Variants in EHMT2 observed in about 807,000 individuals in gnomAD.
The protein encoded by EHMT2 is euchromatic histone lysine methyltransferase 2.
In EHMT2, 59 loss-of-function variants were observed where a neutral mutation model predicts 143.3. That is an observed-to-expected ratio of 0.41 (90% CI 0.33 to 0.51). The LOEUF (loss-of-function observed/expected upper bound fraction) is 0.51, where lower values mean the gene tolerates loss of function less well. Among genes scored for constraint, EHMT2 ranks in the 20% least tolerant of loss-of-function variants. The pLI, the probability that EHMT2 is intolerant of heterozygous loss-of-function variation, is 0.18. For missense variants in EHMT2, 1,174 were observed against 1,645.9 expected, an observed-to-expected ratio of 0.71 and a Z score of 4.96; for synonymous variants, 604 against 651.5, an observed-to-expected ratio of 0.93 and a Z score of 1.11.
At chr6:31,896,454 T>C in exon 4 of EHMT2, 1 of 1,613,030 alleles carries the variant, frequency 6.2e-7, no homozygotes, top group Non-Finnish European at 8.5e-7. Context: ...ATTGACATCT[T>C]GGCCCGGCTA....
intron 1 of EHMT2, 53 bp from the exon 2 acceptor site, chr6:31,897,042 G>T: frequency 1.3e-6 from 2 of 1,518,736 alleles, no homozygotes; most frequent in Non-Finnish European, 1.8e-6. Flanking sequence ...AGAGAGTTGG[G>T]GGGTCCAGGA....
chr6:31,895,898 G>A (rs1372367843), intron 4 of EHMT2: 1 of 210,586 alleles, frequency 4.7e-6, no homozygotes, highest in Non-Finnish European at 9.4e-6. Context: ...CTTTCCCACT[G>A]GGATTCCCAG....
At chr6:31,882,778 G>A in exon 25 of EHMT2, 5 of 1,612,482 alleles carry the variant, frequency 3.1e-6, no homozygotes, top group Non-Finnish European at 4.2e-6. Flanking sequence ...TAGAGCTGTA[G>A]CCGCACCCTG....
In EHMT2 at chr6:31,880,057, G is replaced by T. The variant is rs1763894907; in HGVS notation, c.*27C>A. 1 of 1,603,008 alleles carries T rather than the reference G, an allele frequency of 6.2e-7. No individual in the cohort carries two copies. Among genetic ancestry groups the T allele is most frequent in the Non-Finnish European group, 8.5e-7 (1 of 1,173,628 alleles). ...AGGCGGCTGAGCTGTGGCCATCCAT[G>T]CTGGGGAGAGAGGGTGTGGTCCGTT... is the stretch of plus-strand genomic sequence containing the variant. On this transcript the variant is annotated 3_prime_UTR_variant, in exon 28 of 28. Coordinates refer to ENST00000375537, the Ensembl canonical transcript of EHMT2. The surrounding 1 kb of genome is among the most constrained non-coding windows in gnomAD (Gnocchi z 6.6).
chr6:31,883,121 C>T lies in EHMT2; in HGVS notation c.2995-112G>A, dbSNP rs989930683. The T allele has an allele frequency of 3.5e-5, 36 of 1,034,060 alleles. No homozygotes were observed. In the Admixed American group the frequency reaches 7.1e-4, roughly 20 times the overall value. The allele number at this position is 1,034,060 out of a possible 1,614,324, so 64.1% of individuals were successfully genotyped here. A position where few individuals can be genotyped will look rare whatever the true frequency, so the allele number is the denominator to read the frequency against. ...GGAAGTTGGGGTTGGGGAGGTCACA[C>T]AGGCTCTGAGATCCGAGAGCACGAA... On this transcript the variant is annotated intron_variant, in intron 23 of 27. Coordinates refer to ENST00000375537, the Ensembl canonical transcript of EHMT2. The surrounding 1 kb of genome is among the most constrained non-coding windows in gnomAD (Gnocchi z 5.6).
At chr6:31,886,447 GGAA>G (rs1393927108) in intron 18 of EHMT2, 131 bp downstream of exon 18, 15 of 671,474 alleles carry the variant, frequency 2.2e-5, no homozygotes, top group Non-Finnish European at 5.1e-6. Context: ...ATACAAATGA[GGAA>G]GAAGAAAGCA....
At chr6:31,894,002 TCTCA>T (rs1766034919) in intron 4 of EHMT2, among the ~76,000 whole-genome samples, 1 of 152,102 alleles carries the variant, frequency 6.6e-6, no homozygotes, top group Admixed American at 6.5e-5. Context: ...TTAGATGGAG[TCTCA>T]CTCTGTTGCC....
chr6:31,884,025 G>A lies in EHMT2; in HGVS notation c.2772-75C>T. 6.5e-7 allele frequency: 1 copy of A among 1,537,178 alleles called. No homozygotes were observed. Among genetic ancestry groups the A allele is most frequent in the East Asian group, 2.3e-5 (1 of 43,096 alleles). On this transcript the variant is annotated intron_variant, in intron 21 of 27. Transcript: ENST00000375537. The surrounding 1 kb of genome is among the most constrained non-coding windows in gnomAD (Gnocchi z 7.3). ...AGCTACTCCAGGTATAAGGAAGAGAGTTGGGGAGGTTCCTGGGGCTGGGGG... is the reference window on the plus strand; with the variant it reads ...AGCTACTCCAGGTATAAGGAAGAGAATTGGGGAGGTTCCTGGGGCTGGGGG...
intron 4 of EHMT2, among the ~76,000 whole-genome samples, chr6:31,894,973 A>T (rs1275541480): frequency 1.3e-5 from 2 of 152,208 alleles, no homozygotes; most frequent in African/African-American, 2.4e-5. Context: ...CTATTATGTT[A>T]TTATTGTTGT....
chr6:31,882,980 C>T, exon 24 of EHMT2: 5 of 1,612,928 alleles, frequency 3.1e-6, no homozygotes, highest in South Asian at 1.1e-5. Context: ...GAGGCTCAAT[C>T]TTGTTAAATT....
At position 31,888,307 on chromosome 6, in the gene EHMT2, A is replaced by C; in HGVS notation, c.1510-31T>G. 1 of 1,612,088 alleles carries C rather than the reference A, an allele frequency of 6.2e-7. No homozygotes were observed. The highest frequency in any genetic ancestry group is 8.5e-7 in the Non-Finnish European group (1 of 1,179,446). ...AGCAGGGAAACGACATGGTCAGGTT[A>C]CTGGGGCCCCCTCTGCCACAGGGCA... On this transcript the variant is annotated intron_variant, in intron 12 of 27. Transcript: ENST00000375537. The surrounding 1 kb of genome is among the most constrained non-coding windows in gnomAD (Gnocchi z 7.4).
At chr6:31,887,578 C>A in exon 15 of EHMT2, 2 of 1,613,002 alleles carry the variant, frequency 1.2e-6, no homozygotes, top group Non-Finnish European at 1.7e-6. Flanking sequence ...GGCACTCACA[C>A]AGCATCAGGA....
Position 31,883,248 on chromosome 6 carries a change from A to T in EHMT2, c.2994+114T>A, listed in dbSNP as rs1163273998. On this transcript the variant is annotated intron_variant, in intron 23 of 27. Transcript: ENST00000375537. The surrounding 1 kb of genome is among the most constrained non-coding windows in gnomAD (Gnocchi z 5.6). Reference sequence around the variant, plus strand: ...CAGGCCTTGCCCAGTCCTCTCAGTCACTTCCCCCACAGGGTAGGAGGTGAG... The same window carrying T: ...CAGGCCTTGCCCAGTCCTCTCAGTCTCTTCCCCCACAGGGTAGGAGGTGAG... The T allele has an allele frequency of 5.4e-5, 62 of 1,155,376 alleles. No homozygotes were observed. The highest frequency in any genetic ancestry group is 1.3e-6 in the Non-Finnish European group (1 of 796,286). The allele number at this position is 1,155,376 out of a possible 1,614,324, so 71.6% of individuals were successfully genotyped here.
At chr6:31,885,085 T>C (rs1764657198) in intron 18 of EHMT2, 69 bp from the exon 19 acceptor site, 8 of 1,524,710 alleles carry the variant, frequency 5.2e-6, no homozygotes, top group East Asian at 2.4e-5. Flanking sequence ...ATGGTCAAGA[T>C]TGGCTGTGTG....
chr6:31,886,944 G>C (rs1056852696), intron 16 of EHMT2, 47 bp from the exon 17 acceptor site: 1 of 1,613,878 alleles, frequency 6.2e-7, no homozygotes, highest in South Asian at 1.1e-5. Flanking sequence ...TGGGGCAGGG[G>C]AGGGGCCTAA....
Position 31,880,407 on chromosome 6 carries a change from C to T in EHMT2, c.3453-143G>A. 1.0e-6 allele frequency: 1 copy of T among 999,716 alleles called. No individual in the cohort carries two copies. Among genetic ancestry groups the T allele is most frequent in the East Asian group, 2.6e-5 (1 of 38,260 alleles). The allele number at this position is 999,716 out of a possible 1,614,324, so 61.9% of individuals were successfully genotyped here. On this transcript the variant is annotated intron_variant, in intron 27 of 27. Transcript: ENST00000375537. The surrounding 1 kb of genome is among the most constrained non-coding windows in gnomAD (Gnocchi z 6.6). Reference sequence around the variant, plus strand: ...ATGGGATCTGAGCCCCTTGTATGTTCTATGGACTTTCAGCATCAGCATTGC... The same window carrying T: ...ATGGGATCTGAGCCCCTTGTATGTTTTATGGACTTTCAGCATCAGCATTGC...
chr6:31,884,018 G>A lies in EHMT2; in HGVS notation c.2772-68C>T. ...GGTGAGGAGCTACTCCAGGTATAAG[G>A]AAGAGAGTTGGGGAGGTTCCTGGGG... On this transcript the variant is annotated intron_variant, in intron 21 of 27. Coordinates refer to ENST00000375537, the Ensembl canonical transcript of EHMT2. The surrounding 1 kb of genome is among the most constrained non-coding windows in gnomAD (Gnocchi z 7.3). 6.4e-7 allele frequency: 1 copy of A among 1,566,888 alleles called. No homozygotes were observed. Among genetic ancestry groups the A allele is most frequent in the Non-Finnish European group, 8.7e-7 (1 of 1,153,612 alleles).
intron 18 of EHMT2, chr6:31,885,334 T>G: frequency 4.7e-6 from 1 of 212,904 alleles, no homozygotes; most frequent in Non-Finnish European, 9.4e-6. Flanking sequence ...AAAAATTAGC[T>G]GGGCGTGGTG....
chr6:31,886,673 C>T (rs745424549), exon 18 of EHMT2: 5 of 1,613,850 alleles, frequency 3.1e-6, no homozygotes, highest in Non-Finnish European at 4.2e-6. Flanking sequence ...CAGGTGGAAC[C>T]GTCCTCCTCC....
Sources: gnomAD v4.1 joint callset for allele counts (sites outside exome capture counted in the v4.1 genomes callset) on GRCh38, gnomAD v4.1.1 for gene constraint, Gnocchi (gnomAD v3.1) non-coding constraint, MANE v1.5 for transcripts, NCBI Gene and HGNC (gene_info 2026-07-23, HGNC 2026-07-21) for gene names.